FGF13: variants seen among roughly 807,000 people sequenced by gnomAD.
FGF13 encodes fibroblast growth factor 13, also known as fibroblast growth factor homologous factor 2.
In FGF13, 2 loss-of-function variants were observed where a neutral mutation model predicts 19.5. The observed-to-expected ratio is 0.10, with a 90% CI of 0.04 to 0.32. The LOEUF (loss-of-function observed/expected upper bound fraction) is 0.32. Among genes scored for constraint, FGF13 ranks in the 10% least tolerant of loss-of-function variants. FGF13 has a pLI of 1.00. For synonymous variants in FGF13, 72 were observed against 76.9 expected (o/e 0.94, Z 0.33); for missense variants, 113 against 192.7 (o/e 0.59, Z 2.45).
intron 1 of FGF13, among the ~76,000 whole-genome samples, chrX:138,999,480 G>A (rs1468520665): frequency 3.6e-5 from 4 of 110,857 alleles, no homozygotes; most frequent in East Asian, 2.8e-4. Flanking sequence ...TCAAGTAGAC[G>A]CAATAAAAAA....
chrX:138,637,207 G>A, intron 3 of FGF13, among the ~76,000 whole-genome samples: 1 of 112,225 alleles, frequency 8.9e-6, no homozygotes, highest in Middle Eastern at 4.6e-3. Context: ...GAACCAAAAT[G>A]TTCTATTTAT....
intron 1 of FGF13, among the ~76,000 whole-genome samples, chrX:139,007,801 C>T (rs753422171): frequency 2.2e-4 from 25 of 112,351 alleles, no homozygotes; most frequent in Non-Finnish European, 3.9e-4. Context: ...AAGGAATCCA[C>T]AGACCCTTTG....
intron 1 of FGF13, among the ~76,000 whole-genome samples, chrX:139,063,939 T>C (rs1290494026): frequency 1.8e-5 from 2 of 111,466 alleles, no homozygotes; most frequent in Non-Finnish European, 3.8e-5. Context: ...GAGTACAGTA[T>C]GTTAAAATTC....
At chrX:138,830,820 C>T (rs1432095550) in intron 3 of FGF13, among the ~76,000 whole-genome samples, 1 of 109,225 alleles carries the variant, frequency 9.2e-6, no homozygotes, top group Non-Finnish European at 1.9e-5. Flanking sequence ...AAGAGATTAT[C>T]ATAAATGAAG....
intron 3 of FGF13, among the ~76,000 whole-genome samples, chrX:138,845,550 A>G (rs1308563755): frequency 9.0e-6 from 1 of 111,148 alleles, no homozygotes; most frequent in African/African-American, 3.3e-5. Context: ...TAGGGATGCA[A>G]TGGAGGTTGT....
intron 3 of FGF13, among the ~76,000 whole-genome samples, chrX:138,700,824 C>T (rs1468255720): frequency 9.0e-6 from 1 of 111,515 alleles, no homozygotes; most frequent in Non-Finnish European, 1.9e-5. Context: ...CAAGATGTGC[C>T]ACATTTGGAT....
intron 1 of FGF13, chrX:138,990,378 G>C (rs1466380336): frequency 9.1e-6 from 1 of 110,130 alleles, no homozygotes; most frequent in Non-Finnish European, 1.9e-5. Context: ...AGAAACACAG[G>C]CTTTATATTT....
At chrX:138,773,590 G>A (rs1032167926) in intron 3 of FGF13, among the ~76,000 whole-genome samples, 2 of 112,250 alleles carry the variant, frequency 1.8e-5, no homozygotes, top group African/African-American at 6.5e-5. Flanking sequence ...GTTGTCAGGT[G>A]GTTAAGGCAT....
intron 1 of FGF13, chrX:138,864,728 C>T (rs2091308054): frequency 8.9e-6 from 1 of 112,543 alleles, no homozygotes; most frequent in Non-Finnish European, 1.9e-5. Context: ...CAGAAGTATT[C>T]TGCCCCTGCA....
intron 3 of FGF13, among the ~76,000 whole-genome samples, chrX:138,801,314 T>A (rs1296906631): frequency 1.8e-5 from 2 of 112,283 alleles, no homozygotes; most frequent in South Asian, 3.7e-4. Flanking sequence ...TTTTGTTTGT[T>A]AGTTTTTCTT....
At chrX:139,062,134 T>A (rs1603171497) in intron 1 of FGF13, among the ~76,000 whole-genome samples, 1 of 111,566 alleles carries the variant, frequency 9.0e-6, no homozygotes, top group African/African-American at 3.3e-5. Context: ...AAAAAAATCA[T>A]TTCCCAGGCC....
At chrX:139,014,880 G>A (rs767367197) in intron 1 of FGF13, among the ~76,000 whole-genome samples, 12 of 110,665 alleles carry the variant, frequency 1.1e-4, no homozygotes, top group Non-Finnish European at 1.9e-4. Flanking sequence ...TGACCAACTG[G>A]GATTTATCTC....
chrX:138,673,129 A>G lies in FGF13; in HGVS notation c.402+29855T>C, dbSNP rs192879103. On this transcript the variant is annotated intron_variant, in intron 3 of 4. Coordinates refer to ENST00000315930, the MANE Select transcript of FGF13 (RefSeq NM_004114.5). The stretch of plus-strand genomic sequence containing the variant: ...GAATGGGAAGAGATGAAGTGGACAC[A>G]ATGATATACAATACTTTCAGGGATT... Among the ~76,000 whole-genome samples the G allele has an allele frequency of 2.5e-4, 28 of 111,476 alleles. 1 individual carries two copies. In the East Asian group the frequency reaches 5.2e-3, roughly 21 times the overall value.
intron 2 of FGF13, among the ~76,000 whole-genome samples, chrX:138,703,965 C>G (rs906428250): frequency 9.0e-5 from 10 of 111,413 alleles, no homozygotes; most frequent in Admixed American, 3.8e-4. Flanking sequence ...CTGCCTGCCT[C>G]GGCCTCCCAA....
chrX:138,670,647 T>C (rs993924315), intron 3 of FGF13, among the ~76,000 whole-genome samples: 1 of 111,668 alleles, frequency 9.0e-6, no homozygotes, highest in African/African-American at 3.2e-5. Context: ...CAGGGAGGCA[T>C]ACAGGTGATA....
intron 1 of FGF13, among the ~76,000 whole-genome samples, chrX:139,124,930 T>TGAG (rs753589327): frequency 9.0e-6 from 1 of 111,608 alleles, no homozygotes; most frequent in African/African-American, 3.3e-5. Flanking sequence ...ATGGTTCCCC[T>TGAG]AGGAAGAGGG....
At chrX:138,810,853 A>G (rs1392085251) in intron 3 of FGF13, among the ~76,000 whole-genome samples, 1 of 112,204 alleles carries the variant, frequency 8.9e-6, no homozygotes, top group African/African-American at 3.2e-5. Flanking sequence ...AATGCTCATC[A>G]TCACTGGCCA....
intron 1 of FGF13, among the ~76,000 whole-genome samples, chrX:138,989,696 A>G (rs1287803922): frequency 9.0e-6 from 1 of 111,124 alleles, no homozygotes; most frequent in Non-Finnish European, 1.9e-5. Flanking sequence ...CAGACATAAA[A>G]ATAATTATAT....
chrX:139,068,594 G>A (rs1183231084), intron 1 of FGF13, among the ~76,000 whole-genome samples: 1 of 110,497 alleles, frequency 9.1e-6, no homozygotes, highest in African/African-American at 3.3e-5. Flanking sequence ...CCATTTTCAC[G>A]ATGTTGATTC....
Sources: allele counts gnomAD v4.1 joint callset (sites outside exome capture counted in the v4.1 genomes callset), GRCh38; gene constraint gnomAD v4.1.1; transcripts MANE v1.5; gene names NCBI Gene and HGNC (gene_info 2026-07-23, HGNC 2026-07-21).